The following CAMTA1 variants were observed in gnomAD, a reference collection of about 807,000 sequenced individuals.
CAMTA1 encodes the protein calmodulin binding transcription activator 1, also known as calmodulin-binding transcription activator 1.
In CAMTA1, 27 loss-of-function variants were observed where a neutral mutation model predicts 170.9. The ratio of observed to expected loss-of-function variants is 0.16; its 90% confidence interval spans 0.12 to 0.22. The LOEUF is 0.22. Ranked by LOEUF, CAMTA1 falls within the 10% of genes least tolerant of loss-of-function variation. The pLI is 1.00. For missense variants in CAMTA1, 1,619 were observed against 2,217.2 expected, an observed-to-expected ratio of 0.73 and a Z score of 5.42; for synonymous variants, 833 against 891.5, an observed-to-expected ratio of 0.93 and a Z score of 1.17.
intron 3 of CAMTA1, among the ~76,000 whole-genome samples, chr1:7,086,668 A>G (rs1640786888): frequency 6.6e-6 from 1 of 152,164 alleles, no homozygotes; most frequent in African/African-American, 2.4e-5. Flanking sequence ...CATGCAACAC[A>G]GGGCCTTCCA....
chr1:7,764,815 C>G lies in CAMTA1; in HGVS notation c.4990-1644C>G, dbSNP rs1030089463. Among the ~76,000 whole-genome samples, 6 of 152,140 alleles carry G rather than the reference C, an allele frequency of 3.9e-5. No individual in the cohort carries two copies. The East Asian group carries it at 1.2e-3, about 29-fold the overall frequency. On this transcript the variant is annotated intron_variant, in intron 22 of 22. Coordinates refer to ENST00000303635, the MANE Select transcript of CAMTA1 (RefSeq NM_015215.4). Reference sequence around the variant, plus strand: ...TCTCTACTAAAAATACAAAAATTAGCTAGGCGTGGTGGTGCGTGCCTGTAA... The same window carrying G: ...TCTCTACTAAAAATACAAAAATTAGGTAGGCGTGGTGGTGCGTGCCTGTAA...
intron 5 of CAMTA1, among the ~76,000 whole-genome samples, chr1:7,449,661 T>A (rs1363611438): frequency 6.7e-6 from 1 of 149,972 alleles, no homozygotes; most frequent in Non-Finnish European, 1.5e-5. Context: ...TCCCAGCTAC[T>A]TGGGAGGCTG....
intron 3 of CAMTA1, among the ~76,000 whole-genome samples, chr1:7,069,721 G>A (rs990576657): frequency 3.3e-5 from 5 of 152,126 alleles, no homozygotes; most frequent in African/African-American, 1.2e-4. Flanking sequence ...GGGACTGGCA[G>A]AGGAGCTGGT....
intron 3 of CAMTA1, among the ~76,000 whole-genome samples, chr1:6,926,568 C>G (rs1158768223): frequency 7.4e-6 from 1 of 135,960 alleles, no homozygotes; most frequent in East Asian, 2.1e-4. Flanking sequence ...TTCTTTCTCT[C>G]TCTCTCCTTC....
chr1:7,322,250 C>T (rs548816930), intron 5 of CAMTA1, among the ~76,000 whole-genome samples: 10 of 152,316 alleles, frequency 6.6e-5, no homozygotes, highest in African/African-American at 1.7e-4. Flanking sequence ...TGGGCTTTGT[C>T]GGCCCCACAA....
At chr1:6,959,674 T>A (rs367923578) in intron 3 of CAMTA1, among the ~76,000 whole-genome samples, 6 of 152,218 alleles carry the variant, frequency 3.9e-5, no homozygotes, top group East Asian at 3.8e-4. Context: ...TAGCCAAGCG[T>A]GGCATGCATT....
intron 6 of CAMTA1, among the ~76,000 whole-genome samples, chr1:7,492,005 G>A (rs2093710134): frequency 6.6e-6 from 1 of 152,150 alleles, no homozygotes; most frequent in Non-Finnish European, 1.5e-5. Flanking sequence ...TCACCTGCTT[G>A]GTTAGAGCTT....
chr1:7,720,707 CTCAGTGGCTATA>C (rs2096644097), intron 11 of CAMTA1, among the ~76,000 whole-genome samples: 2 of 152,172 alleles, frequency 1.3e-5, no homozygotes, highest in African/African-American at 4.8e-5. Flanking sequence ...TCATGAGAAA[CTCAGTGGCTATA>C]GAAAAGTGAC....
chr1:6,867,997 G>A (rs897616806), intron 3 of CAMTA1, among the ~76,000 whole-genome samples: 1 of 152,040 alleles, frequency 6.6e-6, no homozygotes, highest in African/African-American at 2.4e-5. Flanking sequence ...GTGGAGATGG[G>A]ATCTCCCTAT....
At chr1:7,153,568 G>A (rs1045669035) in intron 4 of CAMTA1, among the ~76,000 whole-genome samples, 7 of 152,048 alleles carry the variant, frequency 4.6e-5, no homozygotes, top group Non-Finnish European at 1.0e-4. Context: ...ACAAACCGAC[G>A]GGGACAAGCA....
intron 5 of CAMTA1, among the ~76,000 whole-genome samples, chr1:7,421,355 T>C (rs1015820840): frequency 6.6e-6 from 1 of 152,136 alleles, no homozygotes; most frequent in Non-Finnish European, 1.5e-5. Context: ...GGTCTTGCCA[T>C]GTTGGCCGGG....
At chr1:7,758,691 T>G (rs2096950279) in intron 22 of CAMTA1, among the ~76,000 whole-genome samples, 1 of 152,114 alleles carries the variant, frequency 6.6e-6, no homozygotes, top group Non-Finnish European at 1.5e-5. Context: ...ATCCCAGCAC[T>G]TTGGGAGGCC....
chr1:6,796,707 C>T (rs377327771), intron 1 of CAMTA1, among the ~76,000 whole-genome samples: 72 of 152,188 alleles, frequency 4.7e-4, no homozygotes, highest in African/African-American at 1.6e-3. Flanking sequence ...ATTGTGCACT[C>T]GTGTAGCTGT....
chr1:6,915,260 A>G (rs971762942), intron 3 of CAMTA1, among the ~76,000 whole-genome samples: 1 of 152,164 alleles, frequency 6.6e-6, no homozygotes, highest in Non-Finnish European at 1.5e-5. Context: ...CAGAGATTAG[A>G]TTTTTTTACT....
At position 7,713,929 on chromosome 1, in the gene CAMTA1, G is replaced by A. The variant is rs531400360; in HGVS notation, c.2915-18519G>A. On this transcript the variant is annotated intron_variant, in intron 11 of 22. Coordinates refer to ENST00000303635, the MANE Select transcript of CAMTA1 (RefSeq NM_015215.4). ...CATATCAGCATAGGGGATATTGCCC[G>A]GTGAGCACCGCAGCCACTCGGGGGT... 7.9e-5 allele frequency among the ~76,000 whole-genome samples: 12 copies of A among 152,162 alleles called. No individual in the cohort carries two copies. The East Asian group carries it at 1.2e-3, about 15-fold the overall frequency.
chr1:7,764,114 A>G (rs1207982873), intron 22 of CAMTA1, among the ~76,000 whole-genome samples: 3 of 152,138 alleles, frequency 2.0e-5, no homozygotes, highest in Non-Finnish European at 4.4e-5. Flanking sequence ...TTAAAAAGCC[A>G]TTTATTTATC....
In CAMTA1 at chr1:7,633,483, C is replaced by G. The variant is rs781267481; in HGVS notation, c.511-6917C>G. 3.3e-5 allele frequency among the ~76,000 whole-genome samples: 5 copies of G among 152,180 alleles called. No homozygotes were observed. The highest frequency in any genetic ancestry group is 7.4e-5 in the Non-Finnish European group (5 of 68,026). On this transcript the variant is annotated intron_variant, in intron 6 of 22. Transcript: ENST00000303635. The surrounding 1 kb of genome is among the most constrained non-coding windows in gnomAD (Gnocchi z 4.1). ...TTCCAGCCCATGCCTGGGATGGACA[C>G]CGACTCCTTCCCCGCACCCTAGTCT... is the stretch of plus-strand genomic sequence containing the variant.
intron 4 of CAMTA1, among the ~76,000 whole-genome samples, chr1:7,095,692 T>G (rs951317360): frequency 7.2e-5 from 11 of 152,250 alleles, no homozygotes; most frequent in Non-Finnish European, 1.6e-4. Flanking sequence ...AAAGGTTCCC[T>G]TTGTCAGTAA....
At chr1:7,322,295 A>G (rs1414111702) in intron 5 of CAMTA1, among the ~76,000 whole-genome samples, 1 of 152,194 alleles carries the variant, frequency 6.6e-6, no homozygotes, top group Non-Finnish European at 1.5e-5. Flanking sequence ...TTGGTTTCCA[A>G]TTGCACATTA....
Sources: allele counts gnomAD v4.1 joint callset (sites outside exome capture counted in the v4.1 genomes callset), GRCh38; gene constraint gnomAD v4.1.1; non-coding constraint Gnocchi (gnomAD v3.1); transcripts MANE v1.5; gene names NCBI Gene and HGNC (gene_info 2026-07-23, HGNC 2026-07-21).